Variants in BLOC1S2 observed in about 807,000 individuals in gnomAD.
BLOC1S2 encodes the protein biogenesis of lysosome-related organelles complex 1 subunit 2.
In BLOC1S2, 12 loss-of-function variants were observed where a neutral mutation model predicts 19.6. That is an observed-to-expected ratio of 0.61 (90% CI 0.39 to 0.99). The LOEUF (loss-of-function observed/expected upper bound fraction) is 0.99. Among genes scored for constraint, BLOC1S2 ranks in the 50% least tolerant of loss-of-function variants. The pLI, the probability that BLOC1S2 is intolerant of heterozygous loss-of-function variation, is 0.00. For missense variants in BLOC1S2, 142 were observed against 171.0 expected (o/e 0.83, Z 0.95); for synonymous variants, 66 against 64.1 (o/e 1.03, Z -0.14).
chr10:100,285,565 T>G (rs1421459697), intron 2 of BLOC1S2, among the ~76,000 whole-genome samples: 1 of 152,216 alleles, frequency 6.6e-6, no homozygotes, highest in Admixed American at 6.5e-5. Context: ...TACTTCACTT[T>G]CTGATCCTCC....
chr10:100,275,848 A>C (rs766288937), intron 4 of BLOC1S2, among the ~76,000 whole-genome samples: 2 of 152,218 alleles, frequency 1.3e-5, no homozygotes, highest in Non-Finnish European at 2.9e-5. Flanking sequence ...CTCTGGAACC[A>C]GACTGGAACC....
chr10:100,285,950 T>G, intron 2 of BLOC1S2, 147 bp downstream of exon 2: 1 of 1,076,802 alleles, frequency 9.3e-7, no homozygotes, highest in Non-Finnish European at 1.3e-6. Context: ...GTATTTTCTT[T>G]CTCTCCCATT....
In BLOC1S2 at chr10:100,286,669, C is replaced by A. The variant is rs754010585; in HGVS notation, c.-10G>T. The A allele has an allele frequency of 6.2e-7, 1 of 1,609,292 alleles. No individual in the cohort carries two copies. The highest frequency in any genetic ancestry group is 1.7e-5 in the Admixed American group (1 of 59,742). ...CGGCTGCCGCCGCCATAGCGGACCC[C>A]GCGCTGTTTCCGGGCCGGGGTGCTG... is the stretch of plus-strand genomic sequence containing the variant. On this transcript the variant is annotated 5_prime_UTR_variant, in exon 1 of 5. Coordinates refer to ENST00000370372, the MANE Select transcript of BLOC1S2 (RefSeq NM_173809.5).
At position 100,273,852 on chromosome 10, in the gene BLOC1S2, T is replaced by C. The variant is rs947819669; in HGVS notation, c.*1610A>G. 1 of 143,740 alleles carries C rather than the reference T, an allele frequency of 7.0e-6. No homozygotes were observed. The allele number at this position is 143,740 out of a possible 1,614,324, so 8.9% of individuals were successfully genotyped here. A position where few individuals can be genotyped will look rare whatever the true frequency, so the allele number is the denominator to read the frequency against. Reference sequence around the variant, plus strand: ...CTTCATCTCAAAAAAAAAAAAAAAATAGATCAATACATGCACGGAAAAGGA... The same window carrying C: ...CTTCATCTCAAAAAAAAAAAAAAAACAGATCAATACATGCACGGAAAAGGA... On this transcript the variant is annotated 3_prime_UTR_variant, in exon 5 of 5. Coordinates refer to ENST00000370372, the MANE Select transcript of BLOC1S2 (RefSeq NM_173809.5).
intron 4 of BLOC1S2, 27 bp from the exon 5 acceptor site, chr10:100,275,520 CT>C: frequency 6.3e-7 from 1 of 1,593,434 alleles, no homozygotes. Context: ...AGAGTTACAT[CT>C]TTTAAAACTG....
Position 100,274,901 on chromosome 10 carries a change from C to G in BLOC1S2, c.*561G>C. ...ACTCCTTTCACCATTTCTGCTCAAT[C>G]TAGAAGACTCAGCTTGGAATTATTT... On this transcript the variant is annotated 3_prime_UTR_variant, in exon 5 of 5. Coordinates refer to ENST00000370372, the MANE Select transcript of BLOC1S2 (RefSeq NM_173809.5). 2.5e-6 allele frequency: 1 copy of G among 398,446 alleles called. No homozygotes were observed. The highest frequency in any genetic ancestry group is 6.3e-4 in the Middle Eastern group (1 of 1,584). The allele number at this position is 398,446 out of a possible 1,614,324, so 24.7% of individuals were successfully genotyped here.
intron 2 of BLOC1S2, chr10:100,282,961 C>G (rs1158917304): frequency 5.0e-6 from 2 of 398,524 alleles, no homozygotes; most frequent in Non-Finnish European, 8.8e-6. Context: ...AATCACACCA[C>G]TACGAAAGTG....
Position 100,286,624 on chromosome 10 carries a change from C to G in BLOC1S2, c.36G>C (p.Arg12=), listed in dbSNP as rs61743711. The change falls in exon 1 of 5, where the codon CGG becomes CGC. Residue 12 remains arginine, a synonymous_variant. Transcript: ENST00000370372. ...GGGTACCTCGGGCGGGCTCATCACT[C>G]CGGGTCGCCAGTACGCCCTCGGCTG... is the stretch of plus-strand genomic sequence containing the variant. ...AAAAEGVLAT[R]SDEPARDDAA... is the part of the protein sequence containing the mutation. The G allele has an allele frequency of 2.7e-3, 4,433 of 1,612,504 alleles. 96 individuals carry two copies. The African/African-American group carries it at 0.047, about 17-fold the overall frequency.
At chr10:100,282,803 A>G (rs1479557414) in intron 2 of BLOC1S2, 1 of 397,830 alleles carries the variant, frequency 2.5e-6, no homozygotes. Context: ...AAAATTAATT[A>G]TATAATAAAT....
chr10:100,275,329 G>T lies in BLOC1S2; in HGVS notation c.*133C>A. 1.1e-6 allele frequency: 1 copy of T among 880,020 alleles called. No individual in the cohort carries two copies. Among genetic ancestry groups the T allele is most frequent in the Non-Finnish European group, 1.8e-6 (1 of 571,154 alleles). The allele number at this position is 880,020 out of a possible 1,614,324, so 54.5% of individuals were successfully genotyped here. ...CAGTCCTCCAGTTTACTCGAACGTT[G>T]AGATGTTCCTGTGATGACCAGCATA... On this transcript the variant is annotated 3_prime_UTR_variant, in exon 5 of 5. Coordinates refer to ENST00000370372, the MANE Select transcript of BLOC1S2 (RefSeq NM_173809.5).
At chr10:100,277,549 G>A (rs1433647468) in intron 4 of BLOC1S2, among the ~76,000 whole-genome samples, 2 of 123,540 alleles carry the variant, frequency 1.6e-5, no homozygotes, top group Non-Finnish European at 3.5e-5. Flanking sequence ...CGTCCGGGAG[G>A]GAGGTGGGGG....
In BLOC1S2 at chr10:100,275,353, T is replaced by A. The variant is rs964141156; in HGVS notation, c.*109A>T. The A allele has an allele frequency of 7.8e-6, 9 of 1,159,016 alleles. No homozygotes were observed. Among genetic ancestry groups the A allele is most frequent in the Non-Finnish European group, 1.1e-5 (9 of 807,026 alleles). 71.8% of individuals were successfully genotyped at this position (1,159,016 alleles called of 1,614,324 possible). ...TGAGATGTTCCTGTGATGACCAGCA[T>A]AATTTCCTTTTGAGGAATTTTCACA... On this transcript the variant is annotated 3_prime_UTR_variant, in exon 5 of 5. Transcript: ENST00000370372.
At chr10:100,280,574 G>GA (rs1487296724) in intron 3 of BLOC1S2, among the ~76,000 whole-genome samples, 1 of 152,114 alleles carries the variant, frequency 6.6e-6, no homozygotes, top group Non-Finnish European at 1.5e-5. Flanking sequence ...TAAGTCAATG[G>GA]AAAAAATATA....
intron 4 of BLOC1S2, among the ~76,000 whole-genome samples, chr10:100,277,358 C>T (rs1418213118): frequency 1.3e-5 from 2 of 151,456 alleles, no homozygotes; most frequent in Non-Finnish European, 1.5e-5. Context: ...CCCGGCCAGC[C>T]GCCCCGTCCG....
chr10:100,285,362 A>G (rs1848208595), intron 2 of BLOC1S2, among the ~76,000 whole-genome samples: 1 of 152,024 alleles, frequency 6.6e-6, no homozygotes, highest in African/African-American at 2.4e-5. Flanking sequence ...CCTGGGTTCA[A>G]GCGATTCTCC....
In BLOC1S2 at chr10:100,286,666, C is replaced by G. The variant is rs760643247; in HGVS notation, c.-7G>C. On this transcript the variant is annotated 5_prime_UTR_variant, in exon 1 of 5. Transcript: ENST00000370372. ...CCTCGGCTGCCGCCGCCATAGCGGA[C>G]CCCGCGCTGTTTCCGGGCCGGGGTG... 1.2e-6 allele frequency: 2 copies of G among 1,609,858 alleles called. No individual in the cohort carries two copies. Among genetic ancestry groups the G allele is most frequent in the Non-Finnish European group, 1.7e-6 (2 of 1,178,030 alleles).
At chr10:100,276,429 TCCCTCTCCCTCTC>T (rs1847864349) in intron 4 of BLOC1S2, among the ~76,000 whole-genome samples, 1 of 2,034 alleles carries the variant, frequency 4.9e-4, no homozygotes, top group Non-Finnish European at 9.4e-4. Flanking sequence ...CTCTCCCGTC[TCCCTCTCCCTCTC>T]CCGTCTCCCT....
chr10:100,275,437 A>G lies in BLOC1S2; in HGVS notation c.*25T>C, dbSNP rs1564870568. 6.3e-7 allele frequency: 1 copy of G among 1,584,712 alleles called. No homozygotes were observed. Among genetic ancestry groups the G allele is most frequent in the East Asian group, 2.2e-5 (1 of 44,670 alleles). On this transcript the variant is annotated 3_prime_UTR_variant, in exon 5 of 5. Coordinates refer to ENST00000370372, the MANE Select transcript of BLOC1S2 (RefSeq NM_173809.5). ...CATTCTTCCACATTAAAAAAAAAAG[A>G]CTCTGTCCCATAGAAATAAGTTTCT... is the stretch of plus-strand genomic sequence containing the variant.
chr10:100,278,391 A>G (rs1295735602), intron 4 of BLOC1S2, among the ~76,000 whole-genome samples: 5 of 152,176 alleles, frequency 3.3e-5, no homozygotes, highest in East Asian at 3.8e-4. Flanking sequence ...GGAATAGAAA[A>G]GGGGGCAAGG....
Sources: gnomAD v4.1 joint callset for allele counts (sites outside exome capture counted in the v4.1 genomes callset) on GRCh38, gnomAD v4.1.1 for gene constraint, MANE v1.5 for transcripts, NCBI Gene and HGNC (gene_info 2026-07-23, HGNC 2026-07-21) for gene names.